TFAP4: variants seen among roughly 807,000 people sequenced by gnomAD.
The protein encoded by TFAP4 is transcription factor AP-4.
A neutral mutation model predicts 40.4 loss-of-function variants in TFAP4; 7 were observed. The observed-to-expected ratio is 0.17, with a 90% CI of 0.10 to 0.33. The LOEUF is 0.33. Among genes scored for constraint, TFAP4 ranks in the 10% least tolerant of loss-of-function variants. The pLI, the probability that TFAP4 is intolerant of heterozygous loss-of-function variation, is 1.00. For synonymous variants in TFAP4, 218 were observed against 181.4 expected (o/e 1.20, Z -1.62); for missense variants, 374 against 451.1 (o/e 0.83, Z 1.55).
At chr16:4,262,495 C>A in intron 2 of TFAP4, 41 bp downstream of exon 2, 6 of 1,613,156 alleles carry the variant, frequency 3.7e-6, no homozygotes, top group African/African-American at 1.3e-5. Flanking sequence ...CCAGCGGGAA[C>A]CTGCCGGCTC....
At position 4,258,031 on chromosome 16, in the gene TFAP4, G is replaced by T. The variant is rs78379133; in HGVS notation, c.*24C>A. ...CCCCGGCTCCCTCCAGCCCCCAGAA[G>T]GGAGAGGAGGGCTGGGGGGGTAGTC... On this transcript the variant is annotated 3_prime_UTR_variant, in exon 7 of 7. Coordinates refer to ENST00000204517, the MANE Select transcript of TFAP4 (RefSeq NM_003223.3). The T allele has an allele frequency of 0.017, 26,683 of 1,601,364 alleles. 1,286 individuals are homozygous for T. The highest frequency in any genetic ancestry group is 0.16 in the Admixed American group (9,647 of 58,570).
chr16:4,263,089 T>C, intron 1 of TFAP4: 1 of 237,678 alleles, frequency 4.2e-6, no homozygotes, highest in South Asian at 5.2e-5. Flanking sequence ...GGAGGATCGC[T>C]TGAGCCCAGG....
chr16:4,262,813 C>A, intron 1 of TFAP4, 112 bp from the exon 2 acceptor site: 2 of 1,254,828 alleles, frequency 1.6e-6, no homozygotes, highest in South Asian at 2.7e-5. Flanking sequence ...TGCCAGGCCA[C>A]CCCCAGAGAG....
intron 6 of TFAP4, 196 bp from the exon 7 acceptor site, chr16:4,258,445 G>C (rs930947685): frequency 3.6e-6 from 2 of 554,470 alleles, no homozygotes; most frequent in Non-Finnish European, 6.3e-6. Context: ...ACAAGCTCTC[G>C]CTATATCACC....
At chr16:4,267,474 C>G in intron 1 of TFAP4, among the ~76,000 whole-genome samples, 1 of 152,260 alleles carries the variant, frequency 6.6e-6, no homozygotes. Context: ...AAGGCAAGAG[C>G]CGCCACACCT....
At chr16:4,268,841 G>A (rs1364424576) in intron 1 of TFAP4, among the ~76,000 whole-genome samples, 6 of 148,300 alleles carry the variant, frequency 4.0e-5, no homozygotes, top group Admixed American at 2.0e-4. Context: ...TGATCCTCCC[G>A]CCTTGGTCTC....
At chr16:4,262,101 G>C (rs1193753445) in intron 3 of TFAP4, 152 bp from the exon 4 acceptor site, 12 of 944,140 alleles carry the variant, frequency 1.3e-5, no homozygotes, top group Non-Finnish European at 1.9e-5. Context: ...CCAAATGCCA[G>C]GAGAATGGGC....
chr16:4,258,353 C>T (rs2052916149), intron 6 of TFAP4, 104 bp from the exon 7 acceptor site: 1 of 1,174,786 alleles, frequency 8.5e-7, no homozygotes, highest in African/African-American at 1.6e-5. Flanking sequence ...AAACACATAG[C>T]CCAGAAAAAA....
chr16:4,260,666 C>G, intron 4 of TFAP4, 71 bp from the exon 5 acceptor site: 1 of 1,488,566 alleles, frequency 6.7e-7, no homozygotes, highest in African/African-American at 1.4e-5. Flanking sequence ...CTCACAGCAG[C>G]TCATTCACTC....
In TFAP4 at chr16:4,272,919, G is replaced by T; in HGVS notation, c.-173C>A. 1 of 547,478 alleles carries T rather than the reference G, an allele frequency of 1.8e-6. No individual in the cohort carries two copies. The highest frequency in any genetic ancestry group is 3.3e-6 in the Non-Finnish European group (1 of 300,110). The allele number at this position is 547,478 out of a possible 1,614,324, so 33.9% of individuals were successfully genotyped here. A position where few individuals can be genotyped will look rare whatever the true frequency, so the allele number is the denominator to read the frequency against. Reference sequence around the variant, plus strand: ...GGGAGGCGGGCGGGAGGGGCGGGAGGGAGGTCTCTCCGGCCTGCCTCCCCG... The same window carrying T: ...GGGAGGCGGGCGGGAGGGGCGGGAGTGAGGTCTCTCCGGCCTGCCTCCCCG... On this transcript the variant is annotated 5_prime_UTR_variant, in exon 1 of 7. Coordinates refer to ENST00000204517, the MANE Select transcript of TFAP4 (RefSeq NM_003223.3).
rs1414453691 is a variant in TFAP4, at chr16:4,262,420, T to C, written c.258A>G (p.Ala86=). 1 of 1,614,200 alleles carries C rather than the reference T, an allele frequency of 6.2e-7. No homozygotes were observed. The highest frequency in any genetic ancestry group is 1.7e-5 in the Admixed American group (1 of 60,026). ...PHTDGEKLSK[A]AILQQTAEYI... ...ACTCGGCTGTCTGCTGGAGAATGGC[T>C]GCCTGAGGGCGTGGAAAAGCCGAGA... is the stretch of plus-strand genomic sequence containing the variant. Residue 86 remains alanine, a splice_region_variant and synonymous_variant, in exon 3 of 7, where the codon GCA becomes GCG. Coordinates refer to ENST00000204517, the MANE Select transcript of TFAP4 (RefSeq NM_003223.3).
chr16:4,261,992 T>A, intron 3 of TFAP4, 43 bp from the exon 4 acceptor site: 1 of 1,547,544 alleles, frequency 6.5e-7, no homozygotes, highest in African/African-American at 1.4e-5. Flanking sequence ...GACACCTCGG[T>A]ACCACCACGG....
In TFAP4 at chr16:4,261,822, T is replaced by G; in HGVS notation, c.482A>C (p.Gln161Pro). 1 of 1,612,714 alleles carries G rather than the reference T, an allele frequency of 6.2e-7. No individual in the cohort carries two copies. The highest frequency in any genetic ancestry group is 8.5e-7 in the Non-Finnish European group (1 of 1,179,596). The change falls in exon 4 of 7, where the codon CAG (glutamine) becomes CCG (proline). Residue 161 changes from glutamine to proline, a missense_variant. Gln to Pro is a moderately conservative substitution (Grantham distance 76). This residue lies in a region of TFAP4 where 161 missense variants were observed against 154.2 expected (regional missense o/e 1.04). Transcript: ENST00000204517. The stretch of plus-strand genomic sequence containing the variant: ...GCGCACCGAGCGCTCCTTGTCCAGC[T>G]GCTGCCGCAGCTCAATCATCTCCCG... ...LRREMIELRQ[Q>P]LDKERSVRMM...
intron 1 of TFAP4, chr16:4,265,504 G>A (rs1034082355): frequency 3.3e-5 from 5 of 151,116 alleles, no homozygotes; most frequent in African/African-American, 9.8e-5. Context: ...CAGCAACTGA[G>A]GAGGCTAAGG....
Position 4,262,542 on chromosome 16 carries a change from G to A in TFAP4, c.249C>T (p.Leu83=), listed in dbSNP as rs2052958436. The change falls in exon 2 of 7, where the codon CTC becomes CTT. Residue 83 remains leucine, a synonymous_variant. Transcript: ENST00000204517. ...CCTCCCTGCTCTCACCCACCTTGCTGAGCTTCTCTCCGTCTGTGTGGGGGA... is the reference window on the plus strand; with the variant it reads ...CCTCCCTGCTCTCACCCACCTTGCTAAGCTTCTCTCCGTCTGTGTGGGGGA... ...TLIPHTDGEK[L]SKAAILQQTA... is the part of the protein sequence containing the mutation. The A allele has an allele frequency of 2.5e-6, 4 of 1,612,524 alleles. No individual in the cohort carries two copies. Among genetic ancestry groups the A allele is most frequent in the South Asian group, 1.1e-5 (1 of 91,082 alleles).
intron 1 of TFAP4, among the ~76,000 whole-genome samples, chr16:4,271,113 G>A (rs1597316495): frequency 1.3e-5 from 2 of 152,242 alleles, no homozygotes; most frequent in South Asian, 4.1e-4. Context: ...CAGCCCTCGG[G>A]GCATCCCTGC....
intron 6 of TFAP4, 81 bp downstream of exon 6, chr16:4,260,009 C>A: frequency 1.4e-6 from 2 of 1,467,970 alleles, no homozygotes; most frequent in Non-Finnish European, 1.8e-6. Context: ...TCCGCTTCTG[C>A]CCCTCTTTTC....
At chr16:4,262,001 G>T (rs1366975896) in intron 3 of TFAP4, 52 bp from the exon 4 acceptor site, 1 of 1,520,152 alleles carries the variant, frequency 6.6e-7, no homozygotes, top group Non-Finnish European at 8.8e-7. Context: ...GTACCACCAC[G>T]GAGATTGGGG....
intron 6 of TFAP4, among the ~76,000 whole-genome samples, chr16:4,258,952 G>C (rs1031006060): frequency 6.6e-6 from 1 of 151,944 alleles, no homozygotes; most frequent in Non-Finnish European, 1.5e-5. Flanking sequence ...GCCAGGCGTG[G>C]TGGCACATGC....
Sources: allele counts gnomAD v4.1 joint callset (sites outside exome capture counted in the v4.1 genomes callset), GRCh38; gene constraint gnomAD v4.1.1; regional missense constraint gnomAD v4.1.1; transcripts MANE v1.5; gene names NCBI Gene and HGNC (gene_info 2026-07-23, HGNC 2026-07-21).